HS3ST3A1: variants seen among roughly 807,000 people sequenced by gnomAD.
HS3ST3A1 encodes heparan sulfate-glucosamine 3-sulfotransferase 3A1.
HS3ST3A1 carries 19 observed loss-of-function variants against 25.7 expected under a neutral mutation model. The ratio of observed to expected loss-of-function variants is 0.74; its 90% CI spans 0.52 to 1.08. HS3ST3A1 has a LOEUF of 1.08. Among genes scored for constraint, HS3ST3A1 ranks in the 50% least tolerant of loss-of-function variants. HS3ST3A1 has a pLI of 0.00. For missense variants in HS3ST3A1, 459 were observed against 594.3 expected (o/e 0.77, Z 2.37); for synonymous variants, 226 against 278.6 (o/e 0.81, Z 1.88).
At chr17:13,580,586 G>A (rs1908083785) in intron 1 of HS3ST3A1, among the ~76,000 whole-genome samples, 1 of 152,056 alleles carries the variant, frequency 6.6e-6, no homozygotes, top group Admixed American at 6.6e-5. Flanking sequence ...AGATTTTAGG[G>A]GTAAGACTCA....
chr17:13,563,553 G>T (rs994257071), intron 1 of HS3ST3A1, among the ~76,000 whole-genome samples: 1 of 152,138 alleles, frequency 6.6e-6, no homozygotes, highest in East Asian at 1.9e-4. Flanking sequence ...ACCCCAGTGT[G>T]GGGGGCAGAG....
intron 1 of HS3ST3A1, among the ~76,000 whole-genome samples, chr17:13,578,979 AT>A (rs1456488910): frequency 3.9e-5 from 6 of 152,242 alleles, no homozygotes; most frequent in Non-Finnish European, 5.9e-5. Flanking sequence ...TTATTACTAG[AT>A]AAGCTGAACA....
intron 1 of HS3ST3A1, among the ~76,000 whole-genome samples, chr17:13,570,264 T>C (rs1907768716): frequency 6.6e-6 from 1 of 152,230 alleles, no homozygotes; most frequent in South Asian, 2.1e-4. Context: ...TATTTCAATC[T>C]CTGTCTCAAA....
chr17:13,544,401 G>A (rs1907025079), intron 1 of HS3ST3A1, among the ~76,000 whole-genome samples: 1 of 152,222 alleles, frequency 6.6e-6, no homozygotes, highest in Non-Finnish European at 1.5e-5. Context: ...TTCAGCTGTA[G>A]GGGTCTGGGA....
chr17:13,594,680 CT>C (rs1908525860), intron 1 of HS3ST3A1, among the ~76,000 whole-genome samples: 1 of 151,848 alleles, frequency 6.6e-6, no homozygotes, highest in Non-Finnish European at 1.5e-5. Context: ...TCATTTATAT[CT>C]TGGTTTTCAG....
At chr17:13,519,244 C>T (rs369884658) in intron 1 of HS3ST3A1, among the ~76,000 whole-genome samples, 3 of 152,184 alleles carry the variant, frequency 2.0e-5, no homozygotes, top group East Asian at 3.8e-4. Flanking sequence ...TGGTAGCTGC[C>T]TAGGGCCTTA....
intron 1 of HS3ST3A1, among the ~76,000 whole-genome samples, chr17:13,531,576 A>C (rs953161264): frequency 2.0e-5 from 3 of 151,098 alleles, no homozygotes; most frequent in African/African-American, 7.3e-5. Flanking sequence ...GTTTGAACCA[A>C]GTCTCAAAAA....
At chr17:13,502,799 C>T (rs1171912177) in intron 1 of HS3ST3A1, among the ~76,000 whole-genome samples, 1 of 151,940 alleles carries the variant, frequency 6.6e-6, no homozygotes, top group Non-Finnish European at 1.5e-5. Flanking sequence ...AAACAATCAC[C>T]TTTTGGAAGG....
intron 1 of HS3ST3A1, among the ~76,000 whole-genome samples, chr17:13,569,719 T>C (rs1158323136): frequency 1.3e-5 from 2 of 152,092 alleles, no homozygotes; most frequent in East Asian, 3.9e-4. Flanking sequence ...CCACTGGGAG[T>C]AAAATTCTGA....
intron 1 of HS3ST3A1, among the ~76,000 whole-genome samples, chr17:13,563,197 C>G (rs2142366943): frequency 6.6e-6 from 1 of 151,978 alleles, no homozygotes; most frequent in African/African-American, 2.4e-5. Flanking sequence ...TGATGAGCCT[C>G]TGAAATGTTC....
At chr17:13,592,450 C>T (rs895359814) in intron 1 of HS3ST3A1, among the ~76,000 whole-genome samples, 8 of 152,102 alleles carry the variant, frequency 5.3e-5, no homozygotes, top group Non-Finnish European at 1.2e-4. Context: ...AATTATTTTG[C>T]TATTTTAAAA....
At chr17:13,550,632 T>C (rs1421944690) in intron 1 of HS3ST3A1, among the ~76,000 whole-genome samples, 1 of 152,108 alleles carries the variant, frequency 6.6e-6, no homozygotes, top group Non-Finnish European at 1.5e-5. Flanking sequence ...TTTGAAGATA[T>C]ATTCAGGACC....
chr17:13,581,114 T>G (rs1268141729), intron 1 of HS3ST3A1, among the ~76,000 whole-genome samples: 1 of 152,204 alleles, frequency 6.6e-6, no homozygotes, highest in African/African-American at 2.4e-5. Context: ...ATTAATATAT[T>G]AATTCCATTG....
chr17:13,555,714 T>C (rs1245178103), intron 1 of HS3ST3A1, among the ~76,000 whole-genome samples: 1 of 152,044 alleles, frequency 6.6e-6, no homozygotes, highest in East Asian at 1.9e-4. Context: ...CAAAAGATGT[T>C]TATAATTAAC....
chr17:13,517,032 C>G (rs1906077947), intron 1 of HS3ST3A1, among the ~76,000 whole-genome samples: 2 of 152,156 alleles, frequency 1.3e-5, no homozygotes, highest in Admixed American at 1.3e-4. Flanking sequence ...TATCAGGAAA[C>G]AGTGAACTTA....
intron 1 of HS3ST3A1, among the ~76,000 whole-genome samples, chr17:13,532,400 G>A (rs1219054245): frequency 2.0e-5 from 3 of 152,174 alleles, no homozygotes; most frequent in Admixed American, 2.0e-4. Flanking sequence ...TTAGGAAACA[G>A]GGTCCTAAGG....
intron 1 of HS3ST3A1, among the ~76,000 whole-genome samples, chr17:13,571,218 G>A (rs1907799927): frequency 6.6e-6 from 1 of 152,164 alleles, no homozygotes; most frequent in South Asian, 2.1e-4. Context: ...GACACATGTA[G>A]TTCTAGAGGG....
chr17:13,573,740 A>G (rs1438733644), intron 1 of HS3ST3A1, among the ~76,000 whole-genome samples: 1 of 152,180 alleles, frequency 6.6e-6, no homozygotes. Flanking sequence ...TCATATGTTG[A>G]AACTGTAATC....
intron 1 of HS3ST3A1, among the ~76,000 whole-genome samples, chr17:13,576,631 T>C (rs1052625485): frequency 9.2e-5 from 14 of 152,348 alleles, no homozygotes; most frequent in Admixed American, 7.8e-4. Context: ...TATGACTTTG[T>C]GGACATATCT....
Sources: gnomAD v4.1 joint callset for allele counts (sites outside exome capture counted in the v4.1 genomes callset) on GRCh38, gnomAD v4.1.1 for gene constraint, MANE v1.5 for transcripts, NCBI Gene and HGNC (gene_info 2026-07-23, HGNC 2026-07-21) for gene names.